The following EIF4G3 variants were observed in gnomAD, a reference collection of about 807,000 sequenced individuals.
The protein encoded by EIF4G3 is eIF-4-gamma 3.
In EIF4G3, 34 loss-of-function variants were observed where a neutral mutation model predicts 186.4. The ratio of observed to expected loss-of-function variants is 0.18; its 90% confidence interval spans 0.14 to 0.24. EIF4G3 has a LOEUF of 0.24. EIF4G3 is among the 10% of genes least tolerant of loss of function. The pLI, the probability that EIF4G3 is intolerant of heterozygous loss-of-function variation, is 1.00. For missense variants in EIF4G3, 1,536 were observed against 1,948.5 expected, an observed-to-expected ratio of 0.79 and a Z score of 3.99; for synonymous variants, 673 against 679.5, an observed-to-expected ratio of 0.99 and a Z score of 0.15.
intron 2 of EIF4G3, among the ~76,000 whole-genome samples, chr1:21,136,700 T>C (rs993092243): frequency 3.3e-5 from 5 of 152,200 alleles, no homozygotes; most frequent in African/African-American, 9.6e-5. Flanking sequence ...ATCACAATAC[T>C]GATAGGTATT....
chr1:20,992,186 A>G (rs2081281150), intron 7 of EIF4G3, among the ~76,000 whole-genome samples: 1 of 152,208 alleles, frequency 6.6e-6, no homozygotes, highest in South Asian at 2.1e-4. Context: ...TCCAAAAAAC[A>G]AAAAGTTCAT....
At chr1:20,949,090 C>T (rs2096092354) in intron 13 of EIF4G3, among the ~76,000 whole-genome samples, 1 of 151,684 alleles carries the variant, frequency 6.6e-6, no homozygotes, top group Admixed American at 6.6e-5. Flanking sequence ...AGGTACATGG[C>T]TTCCATATTG....
rs140115232 is a variant in EIF4G3, at chr1:21,146,817, G to A, written c.-272+29358C>T. On this transcript the variant is annotated intron_variant, in intron 2 of 36. Transcript: ENST00000602326. ...TGGTGACAATAGCAATTCAATAACT[G>A]GAATAAGAAAAATTAATAGTCACAA... Among the ~76,000 whole-genome samples the A allele has an allele frequency of 5.0e-3, 764 of 151,948 alleles. 4 individuals are homozygous for A. The highest frequency in any genetic ancestry group is 0.012 in the South Asian group (58 of 4,810).
intron 12 of EIF4G3, among the ~76,000 whole-genome samples, chr1:20,963,967 C>A (rs1355656619): frequency 6.6e-6 from 1 of 151,696 alleles, no homozygotes; most frequent in African/African-American, 2.4e-5. Context: ...ATTTTTGATC[C>A]ACCATTCATC....
At position 20,941,734 on chromosome 1, in the gene EIF4G3, G is replaced by C. The variant is rs749544993; in HGVS notation, c.1420C>G (p.Pro474Ala). The C allele has an allele frequency of 1.2e-6, 2 of 1,610,880 alleles. No homozygotes were observed. Among genetic ancestry groups the C allele is most frequent in the Non-Finnish European group, 1.7e-6 (2 of 1,178,352 alleles). ...GGAGGAGAAGCTGGAGGAGTTGGAG[G>C]AGTTGGAGGAAAGGAAGGAACTGTG... ...PSTVPSFPPT[P>A]PTPPASPPHT... Residue 474 changes from proline to alanine, a missense_variant, in exon 14 of 37, where the codon CCT becomes GCT. Physicochemically the swap from Pro to Ala is conservative, Grantham distance 27. Around this residue, in one of 11 missense-constraint regions of EIF4G3, gnomAD observed 560 missense variants for 547.8 expected, o/e 1.02. Transcript: ENST00000602326.
chr1:20,969,398 G>A, intron 12 of EIF4G3, 76 bp downstream of exon 12: 1 of 1,529,308 alleles, frequency 6.5e-7, no homozygotes, highest in Non-Finnish European at 8.9e-7. Flanking sequence ...TACAGAAAGT[G>A]GCTATAGAAG....
chr1:21,117,016 T>C (rs1366119490), intron 2 of EIF4G3, among the ~76,000 whole-genome samples: 2 of 152,140 alleles, frequency 1.3e-5, no homozygotes, highest in Non-Finnish European at 1.5e-5. Flanking sequence ...TTGTAAAATA[T>C]AGTCCAGCTC....
intron 27 of EIF4G3, among the ~76,000 whole-genome samples, 177 bp downstream of exon 27, chr1:20,853,383 C>T (rs563377370): frequency 2.0e-5 from 3 of 152,246 alleles, no homozygotes; most frequent in Admixed American, 6.5e-5. Context: ...ATCCCAAATT[C>T]ACCACCCAAT....
chr1:20,993,818 G>C (rs2081641268), intron 7 of EIF4G3, among the ~76,000 whole-genome samples: 1 of 152,126 alleles, frequency 6.6e-6, no homozygotes, highest in Admixed American at 6.5e-5. Context: ...CAGGACATGA[G>C]TGTCTTCCCT....
chr1:20,962,095 C>T (rs746386231), intron 12 of EIF4G3, among the ~76,000 whole-genome samples: 2 of 152,068 alleles, frequency 1.3e-5, no homozygotes, highest in Non-Finnish European at 2.9e-5. Flanking sequence ...ATATCATAAC[C>T]GAAGCTATAG....
At chr1:21,005,507 C>A (rs570638186) in intron 4 of EIF4G3, among the ~76,000 whole-genome samples, 2 of 152,076 alleles carry the variant, frequency 1.3e-5, no homozygotes, top group African/African-American at 2.4e-5. Flanking sequence ...TCATAGCTGT[C>A]GTACTATTGA....
chr1:20,926,676 AAAAG>A (rs1475579346), intron 14 of EIF4G3, among the ~76,000 whole-genome samples: 2 of 125,696 alleles, frequency 1.6e-5, no homozygotes, highest in African/African-American at 2.8e-5. Context: ...CAGAAAAAAG[AAAAG>A]AAAAAAAAAA....
rs1210894094 is a variant in EIF4G3, at chr1:21,085,287, C to T, written c.-196+3851G>A. On this transcript the variant is annotated intron_variant, in intron 3 of 36. Coordinates refer to ENST00000602326, the MANE Select transcript of EIF4G3 (RefSeq NM_001391906.1). ...TACTTAGGTAATTAGAAAACATTAT[C>T]GTATTTTAAGAGGGATTCTGACAAT... is the stretch of plus-strand genomic sequence containing the variant. 2.0e-5 allele frequency among the ~76,000 whole-genome samples: 3 copies of T among 151,926 alleles called. No individual in the cohort carries two copies. In the East Asian group the frequency reaches 5.8e-4, roughly 29 times the overall value.
chr1:21,103,338 A>C (rs2096560133), intron 2 of EIF4G3, among the ~76,000 whole-genome samples: 1 of 152,190 alleles, frequency 6.6e-6, no homozygotes, highest in Non-Finnish European at 1.5e-5. Context: ...GCAAGGAGGC[A>C]ACCAAAAAGG....
At chr1:20,972,939 A>G in intron 11 of EIF4G3, 63 bp downstream of exon 11, 2 of 1,374,776 alleles carry the variant, frequency 1.5e-6, no homozygotes, top group African/African-American at 1.5e-5. Context: ...GACTACGTAA[A>G]CTTATCTGAT....
At chr1:21,114,522 G>GCATA (rs2096783707) in intron 2 of EIF4G3, among the ~76,000 whole-genome samples, 2 of 152,128 alleles carry the variant, frequency 1.3e-5, no homozygotes, top group South Asian at 4.1e-4. Context: ...AAATATCCAA[G>GCATA]CATAAATAAC....
At chr1:21,074,890 C>CA (rs1241506185) in intron 3 of EIF4G3, among the ~76,000 whole-genome samples, 1 of 152,102 alleles carries the variant, frequency 6.6e-6, no homozygotes, top group Non-Finnish European at 1.5e-5. Context: ...GCCTGGGAAA[C>CA]ACAGCAAGAC....
At chr1:21,044,637 GTT>G (rs11334476) in intron 4 of EIF4G3, among the ~76,000 whole-genome samples, 4 of 141,042 alleles carry the variant, frequency 2.8e-5, no homozygotes, top group East Asian at 4.1e-4. Context: ...AACTTCATTC[GTT>G]TTTTTTTTTG....
At chr1:21,119,513 A>C (rs1188408218) in intron 2 of EIF4G3, among the ~76,000 whole-genome samples, 1 of 152,204 alleles carries the variant, frequency 6.6e-6, no homozygotes, top group African/African-American at 2.4e-5. Flanking sequence ...AATCATGCTG[A>C]CTAGTGAAAG....
Sources: allele counts gnomAD v4.1 joint callset (sites outside exome capture counted in the v4.1 genomes callset), GRCh38; gene constraint gnomAD v4.1.1; regional missense constraint gnomAD v4.1.1; transcripts MANE v1.5; gene names NCBI Gene and HGNC (gene_info 2026-07-23, HGNC 2026-07-21).